Variants in GAK observed in about 807,000 individuals in gnomAD.
GAK encodes cyclin-G-associated kinase.
Under a neutral mutation model 143.9 loss-of-function variants are expected in GAK, and 79 were observed. The ratio of observed to expected loss-of-function variants is 0.55; its 90% confidence interval spans 0.46 to 0.66. The LOEUF (loss-of-function observed/expected upper bound fraction) is 0.66, where lower values mean the gene tolerates loss of function less well. Among genes scored for constraint, GAK ranks in the 30% least tolerant of loss-of-function variants. GAK has a pLI of 0.00. For missense variants in GAK, 1,693 were observed against 1,779.7 expected (o/e 0.95, Z 0.88); for synonymous variants, 881 against 765.5 (o/e 1.15, Z -2.49).
intron 5 of GAK, among the ~76,000 whole-genome samples, chr4:901,784 G>C (rs902287514): frequency 1.3e-5 from 2 of 152,336 alleles, no homozygotes; most frequent in African/African-American, 4.8e-5. Context: ...GGACAGCACA[G>C]GGCATCCTCC....
intron 10 of GAK, 120 bp from the exon 11 acceptor site, chr4:889,090 A>C: frequency 1.6e-6 from 2 of 1,280,522 alleles, no homozygotes; most frequent in Non-Finnish European, 1.0e-6. Context: ...GCTCGGTCCC[A>C]CCTCCCCAGG....
At chr4:899,521 A>G (rs1054784836) in intron 5 of GAK, among the ~76,000 whole-genome samples, 2 of 152,228 alleles carry the variant, frequency 1.3e-5, no homozygotes, top group African/African-American at 4.8e-5. Context: ...ACAGGCAGCG[A>G]GAGGAAGGCA....
intron 1 of GAK, among the ~76,000 whole-genome samples, chr4:914,241 GC>G (rs1188064751): frequency 4.9e-4 from 12 of 24,422 alleles, no homozygotes; most frequent in Non-Finnish European, 8.8e-4. Flanking sequence ...AGCGTGCACG[GC>G]CCCCCCCCAC....
intron 16 of GAK, 26 bp from the exon 17 acceptor site, chr4:877,233 A>T: frequency 6.5e-7 from 1 of 1,539,828 alleles, no homozygotes; most frequent in Admixed American, 1.7e-5. Context: ...CAAGAGAAAA[A>T]TTTTAAAAAC....
intron 24 of GAK, among the ~76,000 whole-genome samples, chr4:856,479 CCA>C (rs1262701463): frequency 1.4e-5 from 2 of 146,660 alleles, no homozygotes; most frequent in East Asian, 4.0e-4. Flanking sequence ...CTGCTCACCA[CCA>C]CAGCTGCTCA....
chr4:932,151 C>T lies in GAK; in HGVS notation c.37G>A (p.Gly13Ser). Residue 13 changes from glycine to serine, a missense_variant, in exon 1 of 28, where the codon GGT becomes AGT. Coordinates refer to ENST00000314167, the MANE Select transcript of GAK (RefSeq NM_005255.4). The surrounding 1 kb of genome is among the most constrained non-coding windows in gnomAD (Gnocchi z 4.0). ...LLQSALDFLAGPGSLGGASGR... is the reference protein window; with the variant it reads ...LLQSALDFLASPGSLGGASGR... ...GAAGCACCGCCCAGGGAGCCTGGACCCGCCAAGAAGTCGAGCGCCGACTGC... is the reference window on the plus strand; with the variant it reads ...GAAGCACCGCCCAGGGAGCCTGGACTCGCCAAGAAGTCGAGCGCCGACTGC... 1.3e-6 allele frequency: 2 copies of T among 1,584,500 alleles called. No homozygotes were observed. Among genetic ancestry groups the T allele is most frequent in the Non-Finnish European group, 1.7e-6 (2 of 1,167,208 alleles).
At chr4:924,995 GAGGT>G (rs1724491017) in intron 1 of GAK, among the ~76,000 whole-genome samples, 2 of 152,114 alleles carry the variant, frequency 1.3e-5, no homozygotes, top group South Asian at 4.1e-4. Context: ...CTCTCAGGAG[GAGGT>G]TGCCAGGATC....
At chr4:894,114 G>A in intron 7 of GAK, 105 bp from the exon 8 acceptor site, 2 of 1,343,366 alleles carry the variant, frequency 1.5e-6, no homozygotes, top group East Asian at 5.4e-5. Flanking sequence ...GGGGAATGCA[G>A]GGGTGACATC....
chr4:849,830 C>CCG, intron 27 of GAK, 56 bp from the exon 28 acceptor site: 7 of 1,172,312 alleles, frequency 6.0e-6, no homozygotes, highest in Non-Finnish European at 8.3e-6. Context: ...GCGGGCGGGG[C>CCG]AGGACCCCCC....
At chr4:861,295 C>T (rs1226980590) in intron 23 of GAK, among the ~76,000 whole-genome samples, 1 of 152,192 alleles carries the variant, frequency 6.6e-6, no homozygotes, top group African/African-American at 2.4e-5. Context: ...CAAGGCACGT[C>T]AAAAGCAGAG....
intron 4 of GAK, among the ~76,000 whole-genome samples, chr4:908,606 ACT>A (rs35231031): frequency 0.55 from 83,991 of 151,724 alleles, 23,739 homozygotes; most frequent in South Asian, 0.67. Flanking sequence ...ACATAGTGAG[ACT>A]CTGTCTCTAA....
intron 7 of GAK, among the ~76,000 whole-genome samples, chr4:895,949 G>A (rs1054505284): frequency 6.6e-6 from 1 of 152,188 alleles, no homozygotes; most frequent in African/African-American, 2.4e-5. Context: ...ACTGCTACTC[G>A]ACTCATCCCT....
At position 851,891 on chromosome 4, in the gene GAK, G is replaced by A. The variant is rs763988520; in HGVS notation, c.3367C>T (p.Arg1123Trp). The A allele has an allele frequency of 8.1e-6, 13 of 1,611,476 alleles. No individual in the cohort carries two copies. The highest frequency in any genetic ancestry group is 5.5e-5 in the South Asian group (5 of 90,934). ...PKGSSSWQTS[R>W]PPAQGASWPP... ...CATGAGGCGCCCTGGGCTGGCGGCC[G>A]ACTTGTCTGCCAGGAGCTGCTGCCT... Residue 1123 changes from arginine to tryptophan, a missense_variant, in exon 25 of 28, where the codon CGG becomes TGG. Coordinates refer to ENST00000314167, the MANE Select transcript of GAK (RefSeq NM_005255.4).
chr4:900,127 G>A (rs979900729), intron 5 of GAK, among the ~76,000 whole-genome samples: 43 of 152,360 alleles, frequency 2.8e-4, no homozygotes, highest in African/African-American at 9.6e-4. Context: ...ATCCCCTCGC[G>A]TGTGCCCGTT....
chr4:924,440 ACT>A (rs1724366209), intron 1 of GAK, among the ~76,000 whole-genome samples: 2 of 151,796 alleles, frequency 1.3e-5, no homozygotes, highest in Non-Finnish European at 2.9e-5. Context: ...CAGCAATCCT[ACT>A]CCTTGGTATT....
rs1722088435 is a variant in GAK, at chr4:911,785, T to C, written c.270A>G (p.Lys90=). 6.2e-7 allele frequency: 1 copy of C among 1,613,034 alleles called. No homozygotes were observed. The highest frequency in any genetic ancestry group is 2.2e-5 in the East Asian group (1 of 44,868). The change falls in exon 4 of 28, where the codon AAA becomes AAG. Residue 90 remains lysine, a splice_region_variant and synonymous_variant. Coordinates refer to ENST00000314167, the MANE Select transcript of GAK (RefSeq NM_005255.4). ...CAATGTTCGGGTGGCCGGAAAGCTT[T>C]TTCTGCAGTTGTCTTGTTAAAGGAG... ...RAIIQEVCFM[K]KLSGHPNIVQ... is the part of the protein sequence containing the mutation.
Position 851,130 on chromosome 4 carries a change from C to T in GAK, c.3509-46G>A, listed in dbSNP as rs73062381. The T allele has an allele frequency of 7.2e-5, 112 of 1,554,658 alleles. No homozygotes were observed. In the African/African-American group the frequency reaches 1.5e-3, roughly 20 times the overall value. ...TTTTTTGTTTGAGACAGGGTCTCCA[C>T]TCTGTCACCCAGGCCAGAGTGCAAT... On this transcript the variant is annotated intron_variant, in intron 25 of 27. Coordinates refer to ENST00000314167, the MANE Select transcript of GAK (RefSeq NM_005255.4).
intron 22 of GAK, among the ~76,000 whole-genome samples, chr4:865,943 CG>C (rs2152741999): frequency 6.6e-6 from 1 of 152,390 alleles, no homozygotes; most frequent in South Asian, 2.1e-4. Context: ...CGGTGCCCCA[CG>C]GCCCCTGCTA....
chr4:894,171 C>G, intron 7 of GAK, 162 bp from the exon 8 acceptor site: 1 of 726,682 alleles, frequency 1.4e-6, no homozygotes, highest in Non-Finnish European at 2.0e-6. Flanking sequence ...GCAGGGAACA[C>G]AGGGGTGATA....
Sources: allele counts gnomAD v4.1 joint callset (sites outside exome capture counted in the v4.1 genomes callset), GRCh38; gene constraint gnomAD v4.1.1; non-coding constraint Gnocchi (gnomAD v3.1); transcripts MANE v1.5; gene names NCBI Gene and HGNC (gene_info 2026-07-23, HGNC 2026-07-21).